RIMBP2: variants seen among roughly 807,000 people sequenced by gnomAD.
The protein encoded by RIMBP2 is RIMS-binding protein 2.
In RIMBP2, 48 loss-of-function variants were observed where a neutral mutation model predicts 118.6. The ratio of observed to expected loss-of-function variants is 0.40; its 90% CI spans 0.32 to 0.51. The LOEUF is 0.51. Among genes scored for constraint, RIMBP2 ranks in the 20% least tolerant of loss-of-function variants. The pLI is 0.41. For missense variants in RIMBP2, 1,551 were observed against 1,768.3 expected, an observed-to-expected ratio of 0.88 and a Z score of 2.20; for synonymous variants, 762 against 742.9, an observed-to-expected ratio of 1.03 and a Z score of -0.42.
chr12:130,440,753 T>A (rs75980149), intron 11 of RIMBP2, among the ~76,000 whole-genome samples: 1 of 152,284 alleles, frequency 6.6e-6, no homozygotes, highest in East Asian at 1.9e-4. Context: ...CCTGCCTACG[T>A]TAGCTGCTAC....
Position 130,546,057 on chromosome 12 carries a change from C to T in RIMBP2, c.-216-28140G>A, listed in dbSNP as rs1021446732. Reference sequence around the variant, plus strand: ...GCCCCTCATGGGAGAGTCCTGTCCCCCTTTGGGATCTCATTGAGCAATTAC... The same window carrying T: ...GCCCCTCATGGGAGAGTCCTGTCCCTCTTTGGGATCTCATTGAGCAATTAC... On this transcript the variant is annotated intron_variant, in intron 2 of 22. Coordinates refer to ENST00000690449, the MANE Select transcript of RIMBP2 (RefSeq NM_001393629.1). Among the ~76,000 whole-genome samples the T allele has an allele frequency of 6.6e-5, 10 of 150,652 alleles. No individual in the cohort carries two copies. The East Asian group carries it at 2.0e-3, about 29-fold the overall frequency.
chr12:130,666,233 C>T (rs556592962), intron 1 of RIMBP2, among the ~76,000 whole-genome samples: 22 of 152,238 alleles, frequency 1.4e-4, no homozygotes, highest in South Asian at 1.0e-3. Flanking sequence ...GTTATTTTAT[C>T]GGAACTATGC....
At chr12:130,460,284 T>A (rs1404083619) in intron 6 of RIMBP2, among the ~76,000 whole-genome samples, 1 of 152,092 alleles carries the variant, frequency 6.6e-6, no homozygotes, top group African/African-American at 2.4e-5. Context: ...CGCAGGCCCC[T>A]CGGTAGGCTG....
chr12:130,558,054 C>A (rs1018408517), intron 2 of RIMBP2, among the ~76,000 whole-genome samples: 3 of 152,204 alleles, frequency 2.0e-5, no homozygotes, highest in Non-Finnish European at 4.4e-5. Context: ...TTCAGACTCA[C>A]GTCTGGCATA....
At position 130,442,854 on chromosome 12, in the gene RIMBP2, C is replaced by A. The variant is rs964365720; in HGVS notation, c.692-194G>T. 6.6e-6 allele frequency among the ~76,000 whole-genome samples: 1 copy of A among 152,200 alleles called. No individual in the cohort carries two copies. Among genetic ancestry groups the A allele is most frequent in the East Asian group, 1.9e-4 (1 of 5,186 alleles). ...CATCTAAAGAGCCAGCTCCTCCATC[C>A]CCGTGGCCCAGTCTTCTTTTCTCCA... On this transcript the variant is annotated intron_variant, in intron 10 of 22. Transcript: ENST00000690449. This position sits in a 1 kb window ranked among gnomAD's most constrained non-coding sequence, Gnocchi z 6.9.
At chr12:130,616,619 T>A (rs368274172) in intron 2 of RIMBP2, among the ~76,000 whole-genome samples, 2 of 152,164 alleles carry the variant, frequency 1.3e-5, no homozygotes, top group African/African-American at 4.8e-5. Flanking sequence ...GACACCATCC[T>A]AGGAGACAAT....
At chr12:130,462,593 C>T (rs895570917) in intron 6 of RIMBP2, among the ~76,000 whole-genome samples, 5 of 152,224 alleles carry the variant, frequency 3.3e-5, no homozygotes, top group African/African-American at 4.8e-5. Flanking sequence ...CCTGCTCCTG[C>T]GGTCTCAGGC....
chr12:130,436,834 A>T lies in RIMBP2; in HGVS notation c.2106+8T>A. On this transcript the variant is annotated splice_region_variant and intron_variant, in intron 13 of 22. Coordinates refer to ENST00000690449, the MANE Select transcript of RIMBP2 (RefSeq NM_001393629.1). ...GAGGAGCCACCGAGGCGGGAGCCCCAGCCTTACCCTGCTGCTCTCGGCCAC... is the reference window on the plus strand; with the variant it reads ...GAGGAGCCACCGAGGCGGGAGCCCCTGCCTTACCCTGCTGCTCTCGGCCAC... The T allele has an allele frequency of 2.2e-6, 3 of 1,387,950 alleles. No homozygotes were observed. The highest frequency in any genetic ancestry group is 3.2e-5 in the Admixed American group (1 of 30,984). The allele number at this position is 1,387,950 out of a possible 1,614,324, so 86.0% of individuals were successfully genotyped here.
At chr12:130,569,186 G>A (rs1359021921) in intron 2 of RIMBP2, among the ~76,000 whole-genome samples, 1 of 152,226 alleles carries the variant, frequency 6.6e-6, no homozygotes, top group Non-Finnish European at 1.5e-5. Flanking sequence ...CCCTGGGACA[G>A]CCTCATCCGG....
At chr12:130,630,858 G>A (rs961537546) in intron 1 of RIMBP2, among the ~76,000 whole-genome samples, 1 of 152,128 alleles carries the variant, frequency 6.6e-6, no homozygotes, top group African/African-American at 2.4e-5. Flanking sequence ...ATAGAGAAGA[G>A]AGATTACCAT....
Position 130,450,268 on chromosome 12 carries a change from A to C in RIMBP2, c.513T>G (p.Asn171Lys). ...GCTTGGAGGTATTGGAATTCCGTTC[A>C]TTCTCCATCTGTGAAAAAGGCAATG... ...ARCRSESDMENERNSNTSKQR... is the reference protein window; with the variant it reads ...ARCRSESDMEKERNSNTSKQR... Residue 171 changes from asparagine (N) to lysine (K), a missense_variant, in exon 9 of 23, where the codon AAT (asparagine) becomes AAG (lysine). This residue lies in a region of RIMBP2 where 239 missense variants were observed against 256.8 expected (regional missense o/e 0.93). Coordinates refer to ENST00000690449, the MANE Select transcript of RIMBP2 (RefSeq NM_001393629.1). This position sits in a 1 kb window ranked among gnomAD's most constrained non-coding sequence, Gnocchi z 4.8. 1 of 1,606,912 alleles carries C rather than the reference A, an allele frequency of 6.2e-7. No individual in the cohort carries two copies. Among genetic ancestry groups the C allele is most frequent in the East Asian group, 2.2e-5 (1 of 44,620 alleles).
chr12:130,490,286 T>C (rs755461088), intron 4 of RIMBP2, among the ~76,000 whole-genome samples: 5 of 152,152 alleles, frequency 3.3e-5, no homozygotes, highest in Non-Finnish European at 7.4e-5. Flanking sequence ...AAATGTTGAT[T>C]TTGCTGACCA....
chr12:130,445,325 CCT>C, intron 9 of RIMBP2, 56 bp from the exon 10 acceptor site: 1 of 1,276,104 alleles, frequency 7.8e-7, no homozygotes, highest in Non-Finnish European at 1.1e-6. Flanking sequence ...AGCCCGCACC[CCT>C]GTCCGTGCAG....
At chr12:130,532,273 A>G (rs61934576) in intron 2 of RIMBP2, among the ~76,000 whole-genome samples, 1,844 of 81,518 alleles carry the variant, frequency 0.023, 76 homozygotes, top group South Asian at 0.072. Flanking sequence ...TGAGATGCGT[A>G]TGTTTAGCCT....
chr12:130,638,783 G>T (rs2062467302), intron 1 of RIMBP2, among the ~76,000 whole-genome samples: 1 of 152,036 alleles, frequency 6.6e-6, no homozygotes, highest in Non-Finnish European at 1.5e-5. Flanking sequence ...AAAAATTAGT[G>T]GTTGCCAGGG....
intron 2 of RIMBP2, among the ~76,000 whole-genome samples, chr12:130,536,867 G>GA (rs2054132019): frequency 6.6e-6 from 1 of 152,116 alleles, no homozygotes; most frequent in South Asian, 2.1e-4. Context: ...ATGATACCGT[G>GA]AAGCCCCTGA....
chr12:130,438,912 G>A (rs367989344), intron 11 of RIMBP2, among the ~76,000 whole-genome samples: 23 of 152,216 alleles, frequency 1.5e-4, no homozygotes, highest in Middle Eastern at 3.4e-3. Flanking sequence ...AGACGCCGGC[G>A]TTTGGCAGAT....
rs74193759 is a variant in RIMBP2, at chr12:130,539,877, G to A, written c.-216-21960C>T. Among the ~76,000 whole-genome samples the A allele has an allele frequency of 1.8e-3, 80 of 45,102 alleles. 15 individuals carry two copies. The highest frequency in any genetic ancestry group is 6.1e-3 in the East Asian group (5 of 814). 29.6% of individuals were successfully genotyped at this position (45,102 alleles called of 152,430 possible). A position where few individuals can be genotyped will look rare whatever the true frequency, so the allele number is the denominator to read the frequency against. On this transcript the variant is annotated intron_variant, in intron 2 of 22. Transcript: ENST00000690449. ...GGTGTAGGATATGGCAAATGCAGTA[G>A]ATGAGGTGGCGAGGTGTAGGCTATG...
At chr12:130,459,250 G>C (rs2079758059) in intron 6 of RIMBP2, among the ~76,000 whole-genome samples, 5 of 149,452 alleles carry the variant, frequency 3.3e-5, no homozygotes, top group Admixed American at 3.3e-4. Flanking sequence ...GTGGTTACGA[G>C]AATCTGTATA....
Sources: allele counts gnomAD v4.1 joint callset (sites outside exome capture counted in the v4.1 genomes callset), GRCh38; gene constraint gnomAD v4.1.1; regional missense constraint gnomAD v4.1.1; non-coding constraint Gnocchi (gnomAD v3.1); transcripts MANE v1.5; gene names NCBI Gene and HGNC (gene_info 2026-07-23, HGNC 2026-07-21).